SLC24A4: variants seen among roughly 807,000 people sequenced by gnomAD.
SLC24A4 encodes solute carrier family 24 member 4, also known as sodium/potassium/calcium exchanger 4.
A neutral mutation model predicts 79.0 loss-of-function variants in SLC24A4; 53 were observed. The ratio of observed to expected loss-of-function variants is 0.67; its 90% confidence interval spans 0.54 to 0.84. SLC24A4 has a LOEUF of 0.84. Ranked by LOEUF, SLC24A4 falls within the 40% of genes least tolerant of loss-of-function variation. The probability of loss-of-function intolerance (pLI) is 0.00; values close to 1 mark genes in which losing one functional copy is unlikely to be tolerated. For missense variants in SLC24A4, 731 were observed against 822.0 expected, an observed-to-expected ratio of 0.89 and a Z score of 1.35; for synonymous variants, 323 against 323.8, an observed-to-expected ratio of 1.00 and a Z score of 0.03.
intron 2 of SLC24A4, among the ~76,000 whole-genome samples, chr14:92,418,703 G>GT (rs1032639279): frequency 6.6e-6 from 1 of 151,878 alleles, no homozygotes; most frequent in African/African-American, 2.4e-5. Flanking sequence ...GATTTGTTTT[G>GT]TTTTTTGTTT....
At position 92,410,684 on chromosome 14, in the gene SLC24A4, A is replaced by G. The variant is rs145252801; in HGVS notation, c.242-23228A>G. On this transcript the variant is annotated intron_variant, in intron 2 of 16. Transcript: ENST00000532405. ...ATTCTAAGAGGTAGATGCTAATACA[A>G]TGCCTGTTTTACAAAGAGAAAACAG... Among the ~76,000 whole-genome samples, 30 of 152,256 alleles carry G rather than the reference A, an allele frequency of 2.0e-4. No individual in the cohort carries two copies. The East Asian group carries it at 3.5e-3, about 18-fold the overall frequency.
At chr14:92,480,469 A>G (rs932625549) in intron 12 of SLC24A4, among the ~76,000 whole-genome samples, 19 of 147,204 alleles carry the variant, frequency 1.3e-4, no homozygotes, top group African/African-American at 4.8e-4. Flanking sequence ...AATTTTTTGT[A>G]TTTTTAGTAG....
At chr14:92,413,479 T>C (rs1357257770) in intron 2 of SLC24A4, among the ~76,000 whole-genome samples, 2 of 152,212 alleles carry the variant, frequency 1.3e-5, no homozygotes, top group Non-Finnish European at 2.9e-5. Flanking sequence ...AAATTAATTG[T>C]TCCCTCTTCT....
chr14:92,484,832 A>G (rs1005292444), intron 13 of SLC24A4: 10 of 985,376 alleles, frequency 1.0e-5, no homozygotes, highest in Non-Finnish European at 1.2e-5. Context: ...ACCAACAGCC[A>G]ATTAAGGGTG....
intron 8 of SLC24A4, among the ~76,000 whole-genome samples, chr14:92,445,987 A>G (rs55776825): frequency 6.6e-6 from 1 of 152,164 alleles, no homozygotes; most frequent in African/African-American, 2.4e-5. Flanking sequence ...GCTTGCGCCC[A>G]GGAGTTTGAG....
intron 2 of SLC24A4, among the ~76,000 whole-genome samples, chr14:92,371,389 C>A (rs1888143054): frequency 6.6e-6 from 1 of 152,204 alleles, no homozygotes; most frequent in Non-Finnish European, 1.5e-5. Context: ...ATTGTGGAAA[C>A]TCCCCCTCCC....
chr14:92,445,988 G>A (rs1450792009), intron 8 of SLC24A4, among the ~76,000 whole-genome samples: 1 of 152,154 alleles, frequency 6.6e-6, no homozygotes, highest in East Asian at 1.9e-4. Context: ...CTTGCGCCCA[G>A]GAGTTTGAGA....
chr14:92,459,648 A>C (rs1390477319), intron 12 of SLC24A4, among the ~76,000 whole-genome samples: 1 of 152,054 alleles, frequency 6.6e-6, no homozygotes, highest in Non-Finnish European at 1.5e-5. Context: ...ATGTGTTTCC[A>C]GGTGTTGTCC....
intron 6 of SLC24A4, among the ~76,000 whole-genome samples, chr14:92,443,063 C>T (rs1476226750): frequency 6.6e-6 from 1 of 152,162 alleles, no homozygotes; most frequent in Non-Finnish European, 1.5e-5. Flanking sequence ...GAGGCGGGCT[C>T]ATGAGTGAGG....
chr14:92,380,198 A>G (rs1888757440), intron 2 of SLC24A4, among the ~76,000 whole-genome samples: 1 of 152,212 alleles, frequency 6.6e-6, no homozygotes, highest in African/African-American at 2.4e-5. Flanking sequence ...GAGCAGATCC[A>G]AGGGCCAGAG....
At chr14:92,330,135 T>C (rs1885386048) in intron 2 of SLC24A4, among the ~76,000 whole-genome samples, 1 of 109,194 alleles carries the variant, frequency 9.2e-6, no homozygotes, top group Non-Finnish European at 1.9e-5. Flanking sequence ...TGGGAGCATG[T>C]CAGGAATGCA....
intron 2 of SLC24A4, among the ~76,000 whole-genome samples, chr14:92,342,810 G>C (rs965531735): frequency 6.6e-6 from 1 of 152,208 alleles, no homozygotes; most frequent in East Asian, 1.9e-4. Flanking sequence ...GAGGATAAAG[G>C]CTGCTCCTCC....
chr14:92,424,876 C>T (rs190469265), intron 2 of SLC24A4, among the ~76,000 whole-genome samples: 110 of 94,356 alleles, frequency 1.2e-3, no homozygotes, highest in African/African-American at 3.6e-3. Flanking sequence ...AGCAAGACTC[C>T]GTCTCAAAAA....
At chr14:92,358,012 C>T (rs905101783) in intron 2 of SLC24A4, among the ~76,000 whole-genome samples, 1 of 152,194 alleles carries the variant, frequency 6.6e-6, no homozygotes, top group South Asian at 2.1e-4. Context: ...TGTTTGTTTT[C>T]AATAAGTTAA....
intron 2 of SLC24A4, among the ~76,000 whole-genome samples, chr14:92,361,564 AT>A (rs1198515201): frequency 6.6e-6 from 1 of 152,208 alleles, no homozygotes; most frequent in East Asian, 1.9e-4. Context: ...CCACCAACAC[AT>A]TAAAATTTGA....
intron 2 of SLC24A4, among the ~76,000 whole-genome samples, chr14:92,392,834 C>T (rs1889553964): frequency 1.4e-5 from 2 of 146,572 alleles, no homozygotes. Flanking sequence ...ATACCTCTTC[C>T]TCTGTGTGAG....
chr14:92,492,786 G>T, intron 16 of SLC24A4: 1 of 449,044 alleles, frequency 2.2e-6, no homozygotes, highest in Non-Finnish European at 4.5e-6. Flanking sequence ...TTTGAACCCA[G>T]GTTGGTCTGT....
intron 13 of SLC24A4, chr14:92,484,178 C>G (rs1595359137): frequency 1.0e-6 from 1 of 985,384 alleles, no homozygotes; most frequent in Non-Finnish European, 1.2e-6. Context: ...ACGCCTTCCC[C>G]CATCTCTCCC....
chr14:92,355,900 G>T (rs932994768), intron 2 of SLC24A4, among the ~76,000 whole-genome samples: 3 of 152,166 alleles, frequency 2.0e-5, no homozygotes, highest in Non-Finnish European at 2.9e-5. Flanking sequence ...GTTTGTGGGT[G>T]TGTTTATACC....
Sources: allele counts gnomAD v4.1 joint callset (sites outside exome capture counted in the v4.1 genomes callset), GRCh38; gene constraint gnomAD v4.1.1; transcripts MANE v1.5; gene names NCBI Gene and HGNC (gene_info 2026-07-23, HGNC 2026-07-21).